Variants in ADAMTS7 observed in about 807,000 individuals in gnomAD.
ADAMTS7 encodes ADAM metallopeptidase with thrombospondin type 1 motif 7, also known as A disintegrin and metalloproteinase with thrombospondin motifs 7.
ADAMTS7 carries 89 observed loss-of-function variants against 172.6 expected under a neutral mutation model. That is an observed-to-expected ratio of 0.52 (90% CI 0.43 to 0.61). The LOEUF (loss-of-function observed/expected upper bound fraction) is 0.61. Among genes scored for constraint, ADAMTS7 ranks in the 20% least tolerant of loss-of-function variants. The pLI, the probability that ADAMTS7 is intolerant of heterozygous loss-of-function variation, is 0.00. For missense variants in ADAMTS7, 1,973 were observed against 2,355.6 expected, an observed-to-expected ratio of 0.84 and a Z score of 3.36; for synonymous variants, 885 against 978.4, an observed-to-expected ratio of 0.90 and a Z score of 1.78.
intron 8 of ADAMTS7, among the ~76,000 whole-genome samples, chr15:78,781,474 G>T (rs1330090932): frequency 1.3e-5 from 2 of 152,142 alleles, no homozygotes; most frequent in East Asian, 3.9e-4. Flanking sequence ...GGCACGTATT[G>T]CTCTGCTTCT....
intron 16 of ADAMTS7, among the ~76,000 whole-genome samples, chr15:78,769,202 C>G (rs1357447313): frequency 6.6e-6 from 1 of 152,192 alleles, no homozygotes. Flanking sequence ...CACTGCCAAC[C>G]CTGGGGCCTT....
rs202018103 is a variant in ADAMTS7, at chr15:78,759,443, T to C, written c.5039A>G (p.His1680Arg). 3.8e-6 allele frequency: 6 copies of C among 1,595,298 alleles called. No individual in the cohort carries two copies. In the African/African-American group the frequency reaches 6.7e-5, roughly 18 times the overall value. ...PPSHGAPSRG[H>R]QRVARR is the part of the protein sequence containing the mutation. ...CAGTCAGCGGCGGGCAACCCGCTGA[T>C]GGCCTCGGGAGGGGGCGCCGTGGCT... Residue 1680 changes from histidine (H) to arginine (R), a missense_variant, in exon 24 of 24, where the codon CAT becomes CGT. His to Arg is a conservative substitution (Grantham distance 29, BLOSUM62 0). Coordinates refer to ENST00000388820, the MANE Select transcript of ADAMTS7 (RefSeq NM_014272.5).
Position 78,763,864 on chromosome 15 carries a change from A to G in ADAMTS7, c.4594-19T>C. ...CGGAGCACTGGGTGGGCAGGGAAGG[A>G]GTCAGGGCACAGCCAGGGTCTGAGG... On this transcript the variant is annotated intron_variant, in intron 21 of 23. Transcript: ENST00000388820. 6.3e-7 allele frequency: 1 copy of G among 1,579,352 alleles called. No individual in the cohort carries two copies. Among genetic ancestry groups the G allele is most frequent in the Non-Finnish European group, 8.6e-7 (1 of 1,166,690 alleles).
chr15:78,760,485 C>T (rs2055025877), intron 23 of ADAMTS7, among the ~76,000 whole-genome samples: 1 of 152,110 alleles, frequency 6.6e-6, no homozygotes, highest in Non-Finnish European at 1.5e-5. Flanking sequence ...CAGGCTCCTC[C>T]ACCCCAGCTC....
chr15:78,768,036 G>A, intron 17 of ADAMTS7, 97 bp downstream of exon 17: 1 of 823,412 alleles, frequency 1.2e-6, no homozygotes, highest in South Asian at 1.7e-5. Context: ...GGGGTGGGGA[G>A]TTGGCGGGGG....
intron 7 of ADAMTS7, 120 bp downstream of exon 7, chr15:78,789,569 C>T: frequency 7.2e-7 from 1 of 1,380,648 alleles, no homozygotes; most frequent in East Asian, 2.5e-5. Context: ...AGTCAGGGCT[C>T]CTTTTCCAGA....
intron 14 of ADAMTS7, among the ~76,000 whole-genome samples, chr15:78,772,104 G>A (rs1406496863): frequency 6.6e-6 from 1 of 152,098 alleles, no homozygotes; most frequent in Non-Finnish European, 1.5e-5. Flanking sequence ...CTAAGGGCTG[G>A]CTGGCATCTT....
At chr15:78,798,282 C>T (rs889168002) in intron 2 of ADAMTS7, among the ~76,000 whole-genome samples, 169 bp from the exon 3 acceptor site, 2 of 152,182 alleles carry the variant, frequency 1.3e-5, no homozygotes, top group Admixed American at 6.5e-5. Flanking sequence ...CACTCTGTAG[C>T]CTCCATCTGG....
rs1187630558 is a variant in ADAMTS7, at chr15:78,762,450, C to T, written c.4856G>A (p.Ser1619Asn). 6.4e-7 allele frequency: 1 copy of T among 1,560,384 alleles called. No individual in the cohort carries two copies. The highest frequency in any genetic ancestry group is 8.7e-7 in the Non-Finnish European group (1 of 1,153,424). ...DQCGHEAWPE[S>N]SRPCGTEDCE... ...ATCCTCGGTGCCACACGGCCGGGAG[C>T]TCTCAGGCCAGGCCTCGTGGCCACA... Residue 1619 changes from serine (S) to asparagine (N), a missense_variant, in exon 23 of 24, where the codon AGC becomes AAC. Transcript: ENST00000388820.
rs1251633492 is a variant in ADAMTS7, at chr15:78,774,432, C to A, written c.1877-132G>T. On this transcript the variant is annotated intron_variant, in intron 12 of 23. Transcript: ENST00000388820. ...AAGCAGCACCAACATGCTGGAGGCT[C>A]CGGCTGGGCTGATAGCTATCTGCAA... is the stretch of plus-strand genomic sequence containing the variant. 3 of 1,382,468 alleles carry A rather than the reference C, an allele frequency of 2.2e-6. No individual in the cohort carries two copies. The African/African-American group carries it at 4.3e-5, about 20-fold the overall frequency. 85.6% of individuals were successfully genotyped at this position (1,382,468 alleles called of 1,614,324 possible).
At chr15:78,809,055 TG>T (rs982345664) in intron 1 of ADAMTS7, among the ~76,000 whole-genome samples, 2 of 151,572 alleles carry the variant, frequency 1.3e-5, no homozygotes, top group African/African-American at 2.4e-5. Flanking sequence ...ACTGGCAGGG[TG>T]GGGGGTAGTA....
chr15:78,780,787 G>A (rs1332155361), intron 8 of ADAMTS7, among the ~76,000 whole-genome samples: 1 of 152,228 alleles, frequency 6.6e-6, no homozygotes, highest in Non-Finnish European at 1.5e-5. Context: ...CCTCGGCGTG[G>A]AAGCTGGCCT....
rs778810990 is a variant in ADAMTS7 at position 78,788,383 on chromosome 15, G to C, written c.1179-9C>G. 1 of 1,612,210 alleles carries C rather than the reference G, an allele frequency of 6.2e-7. No individual in the cohort carries two copies. Among genetic ancestry groups the C allele is most frequent in the South Asian group, 1.1e-5 (1 of 90,988 alleles). ...CATGCTGAATGCCAAAACTGTGTGAGAGCACAGGCCCCAGGGGCGGGTGAG... is the reference window on the plus strand; with the variant it reads ...CATGCTGAATGCCAAAACTGTGTGACAGCACAGGCCCCAGGGGCGGGTGAG... On this transcript the variant is annotated splice_polypyrimidine_tract_variant and intron_variant, in intron 7 of 23. Coordinates refer to ENST00000388820, the MANE Select transcript of ADAMTS7 (RefSeq NM_014272.5).
rs560583657 is a variant in ADAMTS7 at position 78,776,313 on chromosome 15, G to A, written c.1581C>T (p.Cys527=). 51 of 1,611,710 alleles carry A rather than the reference G, an allele frequency of 3.2e-5. No homozygotes were observed. Among genetic ancestry groups the A allele is most frequent in the Admixed American group, 5.0e-5 (3 of 59,966 alleles). The change falls in exon 11 of 24, where the codon TGC becomes TGT. Residue 527 remains cysteine, a synonymous_variant. Coordinates refer to ENST00000388820, the MANE Select transcript of ADAMTS7 (RefSeq NM_014272.5). ...CCTCGGGCCGGAAGCCCACGGGTACGCACTCCCCACTGAGACACCACTACT... is the reference window on the plus strand; with the variant it reads ...CCTCGGGCCGGAAGCCCACGGGTACACACTCCCCACTGAGACACCACTACT... ...GENKWCLSGE[C]VPVGFRPEAV...
Position 78,788,189 on chromosome 15 carries a change from C to T in ADAMTS7, c.1322+42G>A, listed in dbSNP as rs1370870412. 4 of 1,608,744 alleles carry T rather than the reference C, an allele frequency of 2.5e-6. No homozygotes were observed. The African/African-American group carries it at 4.0e-5, about 16-fold the overall frequency. On this transcript the variant is annotated intron_variant, in intron 8 of 23. Transcript: ENST00000388820. The stretch of plus-strand genomic sequence containing the variant: ...TGCATCTCTCCCAGTAGACCTTGAC[C>T]TCATGGATCAAGGTATAGGGGCCCA...
chr15:78,764,622 C>T lies in ADAMTS7; in HGVS notation c.4352G>A (p.Arg1451Gln), dbSNP rs746270162. The change falls in exon 20 of 24, where the codon CGG becomes CAG. Residue 1451 changes from arginine (R) to glutamine (Q), a missense_variant. Arg to Gln is a conservative substitution (Grantham distance 43). This residue lies in a region of ADAMTS7 where 218 missense variants were observed against 216.9 expected (regional missense o/e 1.01). Coordinates refer to ENST00000388820, the MANE Select transcript of ADAMTS7 (RefSeq NM_014272.5). The stretch of plus-strand genomic sequence containing the variant: ...GTGGCAGCGGCGGGCAGGCTGGGGC[C>T]GGCCAGCGGGGGCGCAGTCCTCATC... ...GRDEDCAPAG[R>Q]PQPARRCHLR... The T allele has an allele frequency of 1.8e-5, 28 of 1,554,578 alleles. No homozygotes were observed. The highest frequency in any genetic ancestry group is 4.7e-5 in the East Asian group (2 of 42,486).
intron 5 of ADAMTS7, 42 bp downstream of exon 5, chr15:78,791,098 C>G (rs746132835): frequency 1.9e-6 from 3 of 1,591,284 alleles, no homozygotes; most frequent in Non-Finnish European, 1.7e-6. Flanking sequence ...CTCTGGCAGC[C>G]GAAGCCATTG....
intron 16 of ADAMTS7, among the ~76,000 whole-genome samples, chr15:78,770,369 G>A (rs2055226832): frequency 6.7e-6 from 1 of 150,074 alleles, no homozygotes; most frequent in African/African-American, 2.5e-5. Flanking sequence ...AGGATACTGA[G>A]TGTCAACAAT....
chr15:78,788,482 C>G (rs2055537118), intron 7 of ADAMTS7, 108 bp from the exon 8 acceptor site: 1 of 1,375,216 alleles, frequency 7.3e-7, no homozygotes, highest in African/African-American at 1.4e-5. Flanking sequence ...AGGGCTGGTT[C>G]TGCCACCCAA....
Sources: allele counts gnomAD v4.1 joint callset (sites outside exome capture counted in the v4.1 genomes callset), GRCh38; gene constraint gnomAD v4.1.1; regional missense constraint gnomAD v4.1.1; transcripts MANE v1.5; gene names NCBI Gene and HGNC (gene_info 2026-07-23, HGNC 2026-07-21).